Variants in GLMN observed in about 807,000 individuals in gnomAD.
GLMN encodes glomulin.
A neutral mutation model predicts 87.8 loss-of-function variants in GLMN; 75 were observed. That is an observed-to-expected ratio of 0.85 (90% CI 0.71 to 1.04). The LOEUF (loss-of-function observed/expected upper bound fraction) is 1.04, where lower values mean the gene tolerates loss of function less well. GLMN is among the 50% of genes least tolerant of loss of function. The probability of loss-of-function intolerance (pLI) is 0.00; values close to 1 mark genes in which losing one functional copy is unlikely to be tolerated. For missense variants in GLMN, 588 were observed against 658.8 expected, an observed-to-expected ratio of 0.89 and a Z score of 1.18; for synonymous variants, 206 against 221.6, an observed-to-expected ratio of 0.93 and a Z score of 0.63.
chr1:92,318,046 C>T, the GLMN span, among the ~76,000 whole-genome samples: 2 of 152,170 alleles, frequency 1.3e-5, no homozygotes, highest in African/African-American at 4.8e-5. Context: ...GACCTCCTAT[C>T]TCTAGCCTAG....
chr1:92,333,502 G>T, the GLMN span: 8 of 1,479,464 alleles, frequency 5.4e-6, no homozygotes, highest in Non-Finnish European at 7.6e-6. Context: ...TTCCAGCTTT[G>T]TAGTAGTTTT....
chr1:92,275,185 T>G (rs1647196257), intron 7 of GLMN, among the ~76,000 whole-genome samples: 1 of 152,168 alleles, frequency 6.6e-6, no homozygotes, highest in Non-Finnish European at 1.5e-5. Flanking sequence ...TTCCAAACCT[T>G]TACCAGTTTC....
At chr1:92,284,277 A>G (rs1025860082) in intron 7 of GLMN, among the ~76,000 whole-genome samples, 2 of 152,246 alleles carry the variant, frequency 1.3e-5, no homozygotes, top group Non-Finnish European at 2.9e-5. Context: ...ACAGATATAC[A>G]GACCAATGGA....
the GLMN span, among the ~76,000 whole-genome samples, chr1:92,341,616 T>C: frequency 6.6e-6 from 1 of 152,196 alleles, no homozygotes; most frequent in African/African-American, 2.4e-5. Context: ...CTTAAATCTG[T>C]CTCAACTCTA....
chr1:92,263,057 T>C, intron 15 of GLMN, 131 bp from the exon 16 acceptor site: 1 of 532,228 alleles, frequency 1.9e-6, no homozygotes, highest in Non-Finnish European at 3.4e-6. Flanking sequence ...TAATATCTTT[T>C]TGAGTAGTAA....
In GLMN at chr1:92,296,202, A is replaced by G. The variant is rs563573565; in HGVS notation, c.165+1202T>C. 1.1e-4 allele frequency among the ~76,000 whole-genome samples: 16 copies of G among 152,354 alleles called. 1 individual carries two copies. The South Asian group carries it at 3.3e-3, about 32-fold the overall frequency. On this transcript the variant is annotated intron_variant, in intron 3 of 18. Transcript: ENST00000370360. ...TGATTACACTGTGATATCAAGAAAG[A>G]AAACTTCTAATAAATAAGTAGCACT...
intron 11 of GLMN, among the ~76,000 whole-genome samples, chr1:92,267,662 C>T (rs1298020431): frequency 6.6e-6 from 1 of 151,440 alleles, no homozygotes; most frequent in East Asian, 1.9e-4. Flanking sequence ...TGAGATAGCA[C>T]CACTGCACTC....
the GLMN span, among the ~76,000 whole-genome samples, chr1:92,304,968 C>G: frequency 9.9e-5 from 15 of 151,838 alleles, no homozygotes; most frequent in African/African-American, 3.1e-4. Context: ...AACCCTGTCT[C>G]TACAAAAAGT....
chr1:92,268,271 G>T (rs2100905835), intron 9 of GLMN, 136 bp from the exon 10 acceptor site: 1 of 623,560 alleles, frequency 1.6e-6, no homozygotes. Context: ...TTCTGTTGAA[G>T]AACTTGATCA....
intron 7 of GLMN, among the ~76,000 whole-genome samples, chr1:92,285,425 G>A (rs758980839): frequency 2.6e-5 from 4 of 152,104 alleles, no homozygotes; most frequent in South Asian, 4.1e-4. Context: ...GAGAACACAT[G>A]GACACAGGGT....
chr1:92,261,940 A>G (rs1401530291), intron 16 of GLMN, among the ~76,000 whole-genome samples: 1 of 152,186 alleles, frequency 6.6e-6, no homozygotes, highest in African/African-American at 2.4e-5. Context: ...ACTTTGCTGT[A>G]CATTTGAAAA....
In GLMN at chr1:92,288,969, C is replaced by G; in HGVS notation, c.577G>C (p.Asp193His). The G allele has an allele frequency of 1.9e-6, 3 of 1,612,112 alleles. No homozygotes were observed. Among genetic ancestry groups the G allele is most frequent in the South Asian group, 2.2e-5 (2 of 91,040 alleles). The change falls in exon 6 of 19, where the codon GAT becomes CAT. Residue 193 changes from aspartate to histidine, a missense_variant. Asp to His is a moderately conservative substitution (Grantham distance 81). Transcript: ENST00000370360. ...FTKPFVEEVI[D>H]NKENSLENEK... Reference sequence around the variant, plus strand: ...TTTTCCAGTGAGTTTTCTTTGTTATCAATGACTTCTTCCACAAAAGGCTTA... The same window carrying G: ...TTTTCCAGTGAGTTTTCTTTGTTATGAATGACTTCTTCCACAAAAGGCTTA...
chr1:92,255,627 T>G (rs1339894410), intron 16 of GLMN, among the ~76,000 whole-genome samples: 1 of 152,110 alleles, frequency 6.6e-6, no homozygotes, highest in Admixed American at 6.5e-5. Context: ...ACCACAGAAC[T>G]ACATGGAAAC....
At chr1:92,274,314 C>G (rs1478174090) in intron 7 of GLMN, among the ~76,000 whole-genome samples, 1 of 152,190 alleles carries the variant, frequency 6.6e-6, no homozygotes, top group African/African-American at 2.4e-5. Flanking sequence ...TTTTATACCA[C>G]AGGGCCTGGA....
chr1:92,327,150 C>G, the GLMN span, among the ~76,000 whole-genome samples: 16 of 152,124 alleles, frequency 1.1e-4, no homozygotes, highest in Admixed American at 4.6e-4. Flanking sequence ...ATCAAATATT[C>G]TCTCAGACCA....
At chr1:92,260,373 T>C (rs1372877678) in intron 16 of GLMN, among the ~76,000 whole-genome samples, 2 of 152,058 alleles carry the variant, frequency 1.3e-5, no homozygotes, top group African/African-American at 4.8e-5. Context: ...CCCAGCACTT[T>C]GGGAGGCTGA....
intron 16 of GLMN, among the ~76,000 whole-genome samples, chr1:92,249,770 A>AT (rs1653204299): frequency 6.6e-6 from 1 of 151,996 alleles, no homozygotes; most frequent in South Asian, 2.1e-4. Context: ...GTTGCTCTAC[A>AT]TTTCCTCCTC....
intron 4 of GLMN, among the ~76,000 whole-genome samples, chr1:92,290,674 C>G (rs945386902): frequency 2.6e-5 from 4 of 152,164 alleles, no homozygotes; most frequent in Non-Finnish European, 5.9e-5. Flanking sequence ...ATTTTTTGAA[C>G]AGGTAAAACT....
chr1:92,305,238 C>T, the GLMN span, among the ~76,000 whole-genome samples: 1 of 151,840 alleles, frequency 6.6e-6, no homozygotes, highest in Non-Finnish European at 1.5e-5. Context: ...CGAGACCATC[C>T]TGGCTAACAC....
Sources: allele counts gnomAD v4.1 joint callset (sites outside exome capture counted in the v4.1 genomes callset), GRCh38; gene constraint gnomAD v4.1.1; transcripts MANE v1.5; gene names NCBI Gene and HGNC (gene_info 2026-07-23, HGNC 2026-07-21).